BCAR3: variants seen among roughly 807,000 people sequenced by gnomAD.
The protein encoded by BCAR3 is breast cancer anti-estrogen resistance protein 3.
BCAR3 carries 37 observed loss-of-function variants against 80.1 expected under a neutral mutation model. That is an observed-to-expected ratio of 0.46 (90% CI 0.36 to 0.61). The LOEUF is 0.61. Ranked by LOEUF, BCAR3 falls within the 20% of genes least tolerant of loss-of-function variation. BCAR3 has a pLI of 0.00. For missense variants in BCAR3, 978 were observed against 1,068.2 expected (o/e 0.92, Z 1.18); for synonymous variants, 389 against 418.9 (o/e 0.93, Z 0.87).
chr1:93,624,737 C>T (rs1022701743), intron 3 of BCAR3, among the ~76,000 whole-genome samples: 6 of 152,240 alleles, frequency 3.9e-5, no homozygotes, highest in African/African-American at 1.2e-4. Context: ...TTTCTAGAGA[C>T]GTGGCTCTTG....
chr1:93,707,728 A>G (rs969224312), intron 2 of BCAR3, among the ~76,000 whole-genome samples: 21 of 152,252 alleles, frequency 1.4e-4, no homozygotes, highest in Non-Finnish European at 2.4e-4. Context: ...AAATAATAAT[A>G]ATAGCTCTGA....
In BCAR3 at chr1:93,739,519, AC is replaced by A. The variant is rs530721746; in HGVS notation, c.-62-33378del. Among the ~76,000 whole-genome samples the A allele has an allele frequency of 5.3e-5, 8 of 152,334 alleles. No individual in the cohort carries two copies. The South Asian group carries it at 1.7e-3, about 32-fold the overall frequency. Reference sequence around the variant, plus strand: ...TATAGTGTCATCTTTGACCCAGTTAACCTTGCCTATAGAAATGTAGCCTCTT... The same window carrying A: ...TATAGTGTCATCTTTGACCCAGTTAACTTGCCTATAGAAATGTAGCCTCTT... On this transcript the variant is annotated intron_variant, in intron 2 of 13. Coordinates refer to the BCAR3 transcript ENST00000370244.
chr1:93,685,730 A>T (rs1365432162), upstream of BCAR3, among the ~76,000 whole-genome samples: 1 of 152,142 alleles, frequency 6.6e-6, no homozygotes. Flanking sequence ...GGATTGTACC[A>T]ATTTCTACTC....
At chr1:93,604,318 T>C (rs1161594909) in intron 3 of BCAR3, among the ~76,000 whole-genome samples, 1 of 152,194 alleles carries the variant, frequency 6.6e-6, no homozygotes, top group Admixed American at 6.5e-5. Flanking sequence ...GAGATTTCCT[T>C]TTATTCATTA....
intron 3 of BCAR3, among the ~76,000 whole-genome samples, chr1:93,621,608 G>A (rs1049158758): frequency 6.6e-6 from 1 of 152,166 alleles, no homozygotes; most frequent in Non-Finnish European, 1.5e-5. Flanking sequence ...AGATAGCCTT[G>A]AGGCAAGTAG....
At chr1:93,830,381 C>A (rs61782412) in intron 2 of BCAR3, among the ~76,000 whole-genome samples, 13 of 152,138 alleles carry the variant, frequency 8.5e-5, no homozygotes, top group Admixed American at 2.6e-4. Context: ...ATCCAGATGG[C>A]CTGAAGTAAC....
chr1:93,651,153 G>A (rs1173602351), intron 2 of BCAR3, among the ~76,000 whole-genome samples: 1 of 152,248 alleles, frequency 6.6e-6, no homozygotes, highest in Admixed American at 6.5e-5. Flanking sequence ...GCTTGGGTGA[G>A]AGTGGGCTTG....
intron 2 of BCAR3, among the ~76,000 whole-genome samples, chr1:93,834,906 T>C (rs575328643): frequency 1.3e-5 from 2 of 152,298 alleles, no homozygotes; most frequent in East Asian, 3.9e-4. Context: ...CCACCTGACA[T>C]TCACTCCATT....
Position 93,837,025 on chromosome 1 carries a change from T to C in BCAR3, c.-63+8542A>G, listed in dbSNP as rs1000793760. 6.3e-4 allele frequency among the ~76,000 whole-genome samples: 96 copies of C among 152,256 alleles called. 1 individual carries two copies. Among genetic ancestry groups the C allele is most frequent in the African/African-American group, 2.3e-3 (95 of 41,554 alleles). ...ACTCAGCCCACCTGCACCCATGTGA[T>C]TAAAAAGCTTTATTGCTCACACAAA... On this transcript the variant is annotated intron_variant, in intron 2 of 13. Transcript: ENST00000370244.
intron 3 of BCAR3, among the ~76,000 whole-genome samples, chr1:93,607,224 G>A (rs1557857894): frequency 6.6e-6 from 1 of 152,164 alleles, no homozygotes; most frequent in Non-Finnish European, 1.5e-5. Context: ...GTACAAACCT[G>A]TGCATGCACC....
chr1:93,696,948 TTAC>T (rs749319370), intron 3 of BCAR3, among the ~76,000 whole-genome samples: 2 of 152,222 alleles, frequency 1.3e-5, no homozygotes, highest in Non-Finnish European at 2.9e-5. Flanking sequence ...TTTTAAGGTG[TTAC>T]AGCCTCCTCC....
intron 5 of BCAR3, chr1:93,584,996 A>AAATC: frequency 1.0e-6 from 1 of 985,410 alleles, no homozygotes; most frequent in Non-Finnish European, 1.2e-6. Flanking sequence ...AAGAAAAAAC[A>AAATC]AATCAAAAAA....
intron 2 of BCAR3, among the ~76,000 whole-genome samples, chr1:93,813,650 T>C (rs1012324833): frequency 6.6e-6 from 1 of 152,240 alleles, no homozygotes; most frequent in Non-Finnish European, 1.5e-5. Flanking sequence ...TTGGAAACAT[T>C]GTACCCCTTT....
intron 2 of BCAR3, among the ~76,000 whole-genome samples, chr1:93,727,069 G>A (rs1013979892): frequency 6.6e-6 from 1 of 152,100 alleles, no homozygotes; most frequent in Non-Finnish European, 1.5e-5. Context: ...TCCTTCCATT[G>A]ACTCTTGTAC....
intron 3 of BCAR3, among the ~76,000 whole-genome samples, chr1:93,597,212 C>T (rs1006305014): frequency 1.3e-5 from 2 of 152,174 alleles, no homozygotes; most frequent in African/African-American, 2.4e-5. Flanking sequence ...GGCCCCACTT[C>T]GAAATGTTCA....
chr1:93,663,400 A>G (rs1421289938), intron 2 of BCAR3, among the ~76,000 whole-genome samples: 1 of 152,208 alleles, frequency 6.6e-6, no homozygotes, highest in African/African-American at 2.4e-5. Context: ...AGGAAGTGGC[A>G]GCACAGAGAA....
At chr1:93,704,707 C>T (rs1557660648) in intron 3 of BCAR3, among the ~76,000 whole-genome samples, 1 of 152,188 alleles carries the variant, frequency 6.6e-6, no homozygotes. Context: ...AGTGATCCAT[C>T]TGTTCATGGT....
intron 2 of BCAR3, among the ~76,000 whole-genome samples, chr1:93,839,643 A>G (rs1183381932): frequency 6.6e-6 from 1 of 152,238 alleles, no homozygotes; most frequent in African/African-American, 2.4e-5. Flanking sequence ...ACCATTAGCA[A>G]TATAACTTTT....
At chr1:93,610,765 G>C (rs1186380921) in intron 3 of BCAR3, among the ~76,000 whole-genome samples, 1 of 152,116 alleles carries the variant, frequency 6.6e-6, no homozygotes, top group South Asian at 2.1e-4. Context: ...GGCCAACATG[G>C]TGAAACCCTG....
Sources: gnomAD v4.1 joint callset for allele counts (sites outside exome capture counted in the v4.1 genomes callset) on GRCh38, gnomAD v4.1.1 for gene constraint, MANE v1.5 for transcripts, NCBI Gene and HGNC (gene_info 2026-07-23, HGNC 2026-07-21) for gene names.